The following ANKS1A variants were observed in gnomAD, a reference collection of about 807,000 sequenced individuals.
ANKS1A encodes ankyrin repeat and SAM domain-containing protein 1A.
ANKS1A carries 55 observed loss-of-function variants against 120.3 expected under a neutral mutation model. The ratio of observed to expected loss-of-function variants is 0.46; its 90% CI spans 0.37 to 0.57. ANKS1A has a LOEUF of 0.57. Among genes scored for constraint, ANKS1A ranks in the 20% least tolerant of loss-of-function variants. ANKS1A has a pLI of 0.00. For synonymous variants in ANKS1A, 590 were observed against 604.7 expected (o/e 0.98, Z 0.36); for missense variants, 1,123 against 1,480.3 (o/e 0.76, Z 3.96).
chr6:35,046,955 TA>T (rs1164644828), intron 11 of ANKS1A, among the ~76,000 whole-genome samples: 1 of 152,214 alleles, frequency 6.6e-6, no homozygotes, highest in East Asian at 1.9e-4. Context: ...TTTTCCACTC[TA>T]AATTTTGCCT....
At chr6:34,924,972 T>G (rs948382684) in intron 1 of ANKS1A, among the ~76,000 whole-genome samples, 6 of 152,208 alleles carry the variant, frequency 3.9e-5, no homozygotes, top group Non-Finnish European at 7.3e-5. Context: ...CCCTGCCTAA[T>G]TATATAGATC....
At chr6:34,934,589 G>C (rs1769154118) in intron 1 of ANKS1A, among the ~76,000 whole-genome samples, 1 of 152,310 alleles carries the variant, frequency 6.6e-6, no homozygotes, top group African/African-American at 2.4e-5. Context: ...TTTCTCATTT[G>C]AAGTTACATA....
intron 1 of ANKS1A, among the ~76,000 whole-genome samples, chr6:34,938,849 G>A (rs1409080545): frequency 1.3e-5 from 2 of 151,994 alleles, no homozygotes; most frequent in East Asian, 1.9e-4. Flanking sequence ...TTTGCCGGGC[G>A]TGGTGGCGCA....
At chr6:35,056,532 C>T (rs938167572) in intron 12 of ANKS1A, among the ~76,000 whole-genome samples, 5 of 152,192 alleles carry the variant, frequency 3.3e-5, no homozygotes, top group Non-Finnish European at 5.9e-5. Context: ...TCCTGATCCA[C>T]CCTCCTCGGC....
chr6:35,051,292 G>A (rs114583907), intron 11 of ANKS1A, among the ~76,000 whole-genome samples: 4 of 152,324 alleles, frequency 2.6e-5, no homozygotes, highest in Non-Finnish European at 4.4e-5. Context: ...AGAGCAGAGC[G>A]GAGAAGCAGC....
At chr6:34,959,720 A>G (rs527467230) in intron 1 of ANKS1A, among the ~76,000 whole-genome samples, 6 of 152,300 alleles carry the variant, frequency 3.9e-5, no homozygotes, top group Admixed American at 2.6e-4. Flanking sequence ...TTCTTATTTG[A>G]TTTCACAGAG....
chr6:34,906,538 A>G (rs1303108695), intron 1 of ANKS1A, among the ~76,000 whole-genome samples: 1 of 152,218 alleles, frequency 6.6e-6, no homozygotes, highest in Non-Finnish European at 1.5e-5. Context: ...TTTCACTATC[A>G]ATGACTGAAT....
At chr6:34,988,370 G>A (rs1015310166) in intron 8 of ANKS1A, among the ~76,000 whole-genome samples, 1 of 152,218 alleles carries the variant, frequency 6.6e-6, no homozygotes, top group Non-Finnish European at 1.5e-5. Flanking sequence ...GCCAAGGCGG[G>A]TGGATCACAA....
In ANKS1A at chr6:35,033,377, A is replaced by G. The variant is rs190066396; in HGVS notation, c.2010+15318A>G. ...CCATTACGGGCTTTACAGGCACTTA[A>G]TAGAGCAGAGAGTTCACATCTCAGA... On this transcript the variant is annotated intron_variant, in intron 11 of 23. Coordinates refer to ENST00000360359, the MANE Select transcript of ANKS1A (RefSeq NM_015245.3). Among the ~76,000 whole-genome samples the G allele has an allele frequency of 2.4e-4, 36 of 152,306 alleles. No homozygotes were observed. The East Asian group carries it at 3.9e-3, about 16-fold the overall frequency.
At chr6:34,958,675 T>C (rs1770489264) in intron 1 of ANKS1A, among the ~76,000 whole-genome samples, 1 of 152,174 alleles carries the variant, frequency 6.6e-6, no homozygotes. Flanking sequence ...CAACCTTGCA[T>C]TCACCATCCT....
intron 1 of ANKS1A, among the ~76,000 whole-genome samples, chr6:34,903,856 G>T (rs1469642292): frequency 2.6e-5 from 4 of 151,864 alleles, no homozygotes; most frequent in Admixed American, 2.6e-4. Flanking sequence ...GTGGGGTCTT[G>T]CTTTGTTGCC....
chr6:34,921,787 T>A (rs1202739332), intron 1 of ANKS1A, among the ~76,000 whole-genome samples: 1 of 152,204 alleles, frequency 6.6e-6, no homozygotes, highest in East Asian at 1.9e-4. Flanking sequence ...AGCCTCGAAC[T>A]CCTGGGCTTA....
chr6:35,020,071 G>C (rs192108929), intron 11 of ANKS1A, among the ~76,000 whole-genome samples: 226 of 152,280 alleles, frequency 1.5e-3, no homozygotes, highest in Admixed American at 5.0e-3. Context: ...TGCTGACTGT[G>C]TGTAAGGGCA....
chr6:34,998,106 GC>G (rs1772951087), intron 10 of ANKS1A, among the ~76,000 whole-genome samples: 1 of 152,204 alleles, frequency 6.6e-6, no homozygotes, highest in Non-Finnish European at 1.5e-5. Context: ...TTTCTTAGAA[GC>G]CTTGCCTATC....
intron 11 of ANKS1A, among the ~76,000 whole-genome samples, chr6:35,024,088 C>G (rs983375975): frequency 1.3e-5 from 2 of 152,144 alleles, no homozygotes; most frequent in African/African-American, 4.8e-5. Context: ...AAACTTTAAG[C>G]CTTTCCCACT....
intron 7 of ANKS1A, among the ~76,000 whole-genome samples, 166 bp from the exon 8 acceptor site, chr6:34,984,915 GC>G (rs1772102560): frequency 1.3e-5 from 2 of 151,970 alleles, no homozygotes; most frequent in African/African-American, 2.4e-5. Flanking sequence ...ATAAAGAACA[GC>G]TGAAACTATA....
At chr6:35,065,058 G>A (rs538291938) in intron 13 of ANKS1A, among the ~76,000 whole-genome samples, 16 of 152,232 alleles carry the variant, frequency 1.1e-4, no homozygotes, top group African/African-American at 2.9e-4. Context: ...GTAATTCCTC[G>A]CTATCCCAGG....
chr6:35,083,581 C>T, intron 20 of ANKS1A, 78 bp downstream of exon 20: 2 of 1,375,974 alleles, frequency 1.5e-6, no homozygotes, highest in Non-Finnish European at 2.1e-6. Context: ...GGGCAAGCAA[C>T]CCGGCTGCCC....
At chr6:34,916,320 C>T (rs1019091338) in intron 1 of ANKS1A, among the ~76,000 whole-genome samples, 117 of 152,116 alleles carry the variant, frequency 7.7e-4, no homozygotes, top group African/African-American at 2.7e-3. Flanking sequence ...TGTTAACACG[C>T]TGAGGAAAGT....
Sources: gnomAD v4.1 joint callset for allele counts (sites outside exome capture counted in the v4.1 genomes callset) on GRCh38, gnomAD v4.1.1 for gene constraint, MANE v1.5 for transcripts, NCBI Gene and HGNC (gene_info 2026-07-23, HGNC 2026-07-21) for gene names.